The following TJP1 variants were observed in gnomAD, a reference collection of about 807,000 sequenced individuals.
TJP1 encodes the protein tight junction protein 1.
In TJP1, 43 loss-of-function variants were observed where a neutral mutation model predicts 194.2. The observed-to-expected ratio is 0.22, with a 90% CI of 0.17 to 0.29. The LOEUF (loss-of-function observed/expected upper bound fraction) is 0.29, where lower values mean the gene tolerates loss of function less well. Ranked by LOEUF, TJP1 falls within the 10% of genes least tolerant of loss-of-function variation. TJP1 has a pLI of 1.00. For synonymous variants in TJP1, 801 were observed against 779.0 expected, an observed-to-expected ratio of 1.03 and a Z score of -0.47; for missense variants, 1,971 against 2,185.7, an observed-to-expected ratio of 0.90 and a Z score of 1.96.
At chr15:29,744,051 C>T (rs1331307490) in intron 8 of TJP1, among the ~76,000 whole-genome samples, 3 of 152,008 alleles carry the variant, frequency 2.0e-5, no homozygotes, top group Non-Finnish European at 4.4e-5. Flanking sequence ...TGGTGGCATG[C>T]GCCTATAGTC....
chr15:29,822,596 G>T (rs2050493719), upstream of TJP1: 1 of 587,666 alleles, frequency 1.7e-6, no homozygotes, highest in Non-Finnish European at 2.1e-6. Flanking sequence ...GAGCGGCCGG[G>T]GTCCCGACCC....
chr15:29,815,666 T>A (rs2049860366), intron 1 of TJP1, among the ~76,000 whole-genome samples: 1 of 152,362 alleles, frequency 6.6e-6, no homozygotes, highest in Admixed American at 6.5e-5. Context: ...AAGGTGAATT[T>A]TTATCATATC....
chr15:29,760,759 C>T (rs1415139759), intron 8 of TJP1, among the ~76,000 whole-genome samples: 2 of 152,180 alleles, frequency 1.3e-5, no homozygotes, highest in African/African-American at 2.4e-5. Context: ...CTTTCCCAAG[C>T]AGTAGATTTC....
chr15:29,846,160 C>T (rs2051400398), intron 2 of TJP1, among the ~76,000 whole-genome samples: 1 of 152,178 alleles, frequency 6.6e-6, no homozygotes, highest in Admixed American at 6.5e-5. Context: ...TTAAGAGACC[C>T]ATCACCATAA....
chr15:29,728,184 C>T (rs909240162), intron 15 of TJP1, 165 bp from the exon 16 acceptor site: 10 of 448,584 alleles, frequency 2.2e-5, no homozygotes, highest in Middle Eastern at 3.2e-4. Flanking sequence ...TGCATACTTC[C>T]CTTTTTTTTT....
chr15:29,933,873 G>C (rs749000702), intron 2 of TJP1, among the ~76,000 whole-genome samples: 10 of 152,048 alleles, frequency 6.6e-5, no homozygotes, highest in Non-Finnish European at 1.3e-4. Flanking sequence ...AAAAGAACCG[G>C]GGTCACAACA....
At chr15:29,957,526 T>G (rs1054671206) in intron 1 of TJP1, among the ~76,000 whole-genome samples, 1 of 152,234 alleles carries the variant, frequency 6.6e-6, no homozygotes, top group Non-Finnish European at 1.5e-5. Flanking sequence ...TGTATTGTCC[T>G]GCACCTTACA....
exon 2 of TJP1, chr15:29,956,262 G>A (rs1388233147): frequency 2.3e-6 from 3 of 1,288,550 alleles, no homozygotes; most frequent in Non-Finnish European, 1.0e-6. Context: ...TGCTATCAAG[G>A]CTTTTGCTTC....
At chr15:29,716,560 C>A (rs370842459) in intron 23 of TJP1, 51 bp downstream of exon 23, 1 of 1,336,898 alleles carries the variant, frequency 7.5e-7, no homozygotes, top group Admixed American at 1.8e-5. Context: ...TTGAACTGCA[C>A]GGGATTAATA....
intron 2 of TJP1, among the ~76,000 whole-genome samples, chr15:29,852,667 G>A (rs1381416770): frequency 2.0e-5 from 3 of 152,140 alleles, no homozygotes; most frequent in Admixed American, 2.0e-4. Flanking sequence ...CCCACACTTT[G>A]GGAGGCCGAG....
At chr15:29,900,021 C>T (rs1416553900) in intron 2 of TJP1, among the ~76,000 whole-genome samples, 2 of 151,576 alleles carry the variant, frequency 1.3e-5, no homozygotes, top group Non-Finnish European at 2.9e-5. Context: ...GTATATTAAA[C>T]GGTGGTTAAG....
intron 2 of TJP1, among the ~76,000 whole-genome samples, chr15:29,798,320 A>G (rs2048553667): frequency 2.0e-5 from 3 of 149,948 alleles, no homozygotes; most frequent in South Asian, 4.2e-4. Flanking sequence ...CGGATTGAGT[A>G]TCCTTTACCT....
chr15:29,895,741 A>G (rs182428069), intron 2 of TJP1, among the ~76,000 whole-genome samples: 2 of 152,266 alleles, frequency 1.3e-5, no homozygotes, highest in East Asian at 3.9e-4. Context: ...AGCCACCTCC[A>G]CATTTCTAGG....
intron 2 of TJP1, among the ~76,000 whole-genome samples, chr15:29,781,307 C>A (rs984533485): frequency 1.1e-4 from 16 of 152,004 alleles, no homozygotes; most frequent in African/African-American, 1.2e-4. Flanking sequence ...CAGTAACAAA[C>A]GCCGAAAGTG....
At chr15:29,741,559 A>G in intron 9 of TJP1, 123 bp from the exon 10 acceptor site, 1 of 632,402 alleles carries the variant, frequency 1.6e-6, no homozygotes. Flanking sequence ...TACCATATGT[A>G]TTAGAGTACA....
chr15:29,809,323 AG>A (rs145236484), intron 1 of TJP1, among the ~76,000 whole-genome samples: 165 of 152,320 alleles, frequency 1.1e-3, no homozygotes, highest in African/African-American at 3.8e-3. Context: ...ACCAATTTAC[AG>A]GAAATACAGT....
rs2042741881 is a variant in TJP1 at position 29,718,772 on chromosome 15, A to G, written c.3370T>C (p.Ser1124Pro). The G allele has an allele frequency of 6.2e-7, 1 of 1,614,048 alleles. No homozygotes were observed. Reference protein sequence around the residue: ...LDSRQHPEESSERGYFPRFEE... With the variant: ...LDSRQHPEESPERGYFPRFEE... The stretch of plus-strand genomic sequence containing the variant: ...AAACGTGGAAAGTACCCTCGTTCTG[A>G]GGACTCTTCGGGATGCTGTCTGGAG... Residue 1124 changes from serine (S) to proline (P), a missense_variant, in exon 21 of 28, where the codon TCA becomes CCA. By Grantham distance (74) the Ser-to-Pro change is moderately conservative. Around this residue, in one of 5 missense-constraint regions of TJP1, gnomAD observed 1,108 missense variants for 1,128.5 expected, o/e 0.98. Coordinates refer to ENST00000614355, the MANE Select transcript of TJP1 (RefSeq NM_001330239.4).
At chr15:29,816,498 G>A (rs1415739676) in intron 1 of TJP1, among the ~76,000 whole-genome samples, 2 of 152,154 alleles carry the variant, frequency 1.3e-5, no homozygotes, top group Admixed American at 1.3e-4. Flanking sequence ...TAACCATGAT[G>A]GTCTAAAATG....
intron 8 of TJP1, among the ~76,000 whole-genome samples, chr15:29,750,173 ATT>A (rs1422377398): frequency 1.3e-5 from 2 of 151,856 alleles, no homozygotes; most frequent in African/African-American, 4.8e-5. Context: ...CGCCCAGCTA[ATT>A]TTTTGTATTT....
Sources: gnomAD v4.1 joint callset for allele counts (sites outside exome capture counted in the v4.1 genomes callset) on GRCh38, gnomAD v4.1.1 for gene constraint, gnomAD v4.1.1 regional missense constraint, MANE v1.5 for transcripts, NCBI Gene and HGNC (gene_info 2026-07-23, HGNC 2026-07-21) for gene names.